PARD3: variants seen among roughly 807,000 people sequenced by gnomAD.
PARD3 encodes par-3 family cell polarity regulator.
PARD3 carries 75 observed loss-of-function variants against 155.4 expected under a neutral mutation model. That is an observed-to-expected ratio of 0.48 (90% CI 0.40 to 0.58). The LOEUF is 0.58. Among genes scored for constraint, PARD3 ranks in the 20% least tolerant of loss-of-function variants. The pLI is 0.00. For missense variants in PARD3, 1,642 were observed against 1,721.7 expected (o/e 0.95, Z 0.82); for synonymous variants, 576 against 610.5 (o/e 0.94, Z 0.83).
intron 14 of PARD3, among the ~76,000 whole-genome samples, chr10:34,350,262 AC>A (rs1191807972): frequency 6.6e-6 from 1 of 152,114 alleles, no homozygotes; most frequent in African/African-American, 2.4e-5. Flanking sequence ...AAGAGAGGCA[AC>A]CCCAGTGGTC....
chr10:34,387,282 T>C lies in PARD3; in HGVS notation c.891-3028A>G, dbSNP rs566531182. ...AGAAAATTTTTACAAAAAATATATA[T>C]ATAAACGGTCTTCAATGGAAATTAC... On this transcript the variant is annotated intron_variant, in intron 7 of 24. Coordinates refer to ENST00000374788, the MANE Select transcript of PARD3 (RefSeq NM_001184785.2). Among the ~76,000 whole-genome samples, 5 of 152,354 alleles carry C rather than the reference T, an allele frequency of 3.3e-5. No individual in the cohort carries two copies. The East Asian group carries it at 7.7e-4, about 23-fold the overall frequency.
intron 2 of PARD3, among the ~76,000 whole-genome samples, chr10:34,581,603 A>C (rs1295303670): frequency 1.3e-5 from 2 of 152,192 alleles, no homozygotes; most frequent in African/African-American, 4.8e-5. Context: ...TGGAAGTGAA[A>C]GGAAACAGTA....
In PARD3 at chr10:34,269,539, T is replaced by C. The variant is rs995091216; in HGVS notation, c.3419+118A>G. On this transcript the variant is annotated intron_variant, in intron 22 of 24. Transcript: ENST00000374788. ...AATACTTTTAGACACAACAGCTTTT[T>C]AAAGGCCATTAATAAAAGGCAATTC... 5.5e-6 allele frequency: 6 copies of C among 1,100,810 alleles called. No homozygotes were observed. The African/African-American group carries it at 6.3e-5, about 11-fold the overall frequency. The allele number at this position is 1,100,810 out of a possible 1,614,324, so 68.2% of individuals were successfully genotyped here. A position where few individuals can be genotyped will look rare whatever the true frequency, so the allele number is the denominator to read the frequency against.
intron 5 of PARD3, among the ~76,000 whole-genome samples, chr10:34,447,817 GA>G (rs909567097): frequency 9.7e-5 from 10 of 102,818 alleles, no homozygotes; most frequent in African/African-American, 3.3e-4. Context: ...AAGAAAGAAA[GA>G]AAAAAAAGTC....
intron 1 of PARD3, among the ~76,000 whole-genome samples, chr10:34,714,355 C>A (rs1218739053): frequency 6.6e-6 from 1 of 152,130 alleles, no homozygotes; most frequent in African/African-American, 2.4e-5. Flanking sequence ...AATAAATGAA[C>A]CCTGATGAAG....
At chr10:34,192,060 A>G (rs1196130768) in intron 22 of PARD3, among the ~76,000 whole-genome samples, 1 of 152,036 alleles carries the variant, frequency 6.6e-6, no homozygotes, top group African/African-American at 2.4e-5. Context: ...AAAACTAGCA[A>G]AAACCACTTT....
intron 3 of PARD3, among the ~76,000 whole-genome samples, chr10:34,510,393 A>C (rs1284011221): frequency 6.6e-6 from 1 of 152,192 alleles, no homozygotes; most frequent in Admixed American, 6.5e-5. Context: ...AATAGCCTTC[A>C]CCTGTTCTCA....
intron 1 of PARD3, among the ~76,000 whole-genome samples, chr10:34,800,317 T>C (rs1449980059): frequency 6.6e-6 from 1 of 152,002 alleles, no homozygotes; most frequent in East Asian, 1.9e-4. Flanking sequence ...TTGATAATAA[T>C]GTTAATACTG....
chr10:34,365,785 G>A (rs1235649315), intron 12 of PARD3, among the ~76,000 whole-genome samples: 5 of 151,978 alleles, frequency 3.3e-5, no homozygotes, highest in Admixed American at 1.3e-4. Flanking sequence ...ACAGGGTTTC[G>A]CCATGTTGGT....
intron 14 of PARD3, among the ~76,000 whole-genome samples, chr10:34,353,689 G>A (rs1564620035): frequency 3.4e-5 from 5 of 148,596 alleles, no homozygotes; most frequent in South Asian, 4.3e-4. Flanking sequence ...CCCCCTCTCC[G>A]AGAAACACCC....
intron 3 of PARD3, among the ~76,000 whole-genome samples, chr10:34,506,549 G>A (rs1234034860): frequency 6.6e-6 from 1 of 152,148 alleles, no homozygotes; most frequent in Admixed American, 6.5e-5. Context: ...AACGCAAGCA[G>A]ATATAAATGA....
At chr10:34,606,587 G>A (rs553786908) in intron 2 of PARD3, among the ~76,000 whole-genome samples, 1 of 145,060 alleles carries the variant, frequency 6.9e-6, no homozygotes, top group Admixed American at 7.1e-5. Flanking sequence ...GATCACTTGA[G>A]GCCAGGAGTT....
At chr10:34,467,087 C>T (rs1465627253) in intron 4 of PARD3, among the ~76,000 whole-genome samples, 1 of 151,780 alleles carries the variant, frequency 6.6e-6, no homozygotes, top group African/African-American at 2.4e-5. Context: ...GAATATTTAA[C>T]AATTTTTAAG....
In PARD3 at chr10:34,423,488, G is replaced by A. The variant is rs74390347; in HGVS notation, c.715-21571C>T. On this transcript the variant is annotated intron_variant, in intron 5 of 24. Transcript: ENST00000374788. ...AGTGTTCTCACCACACAAAATAAACGAAGTACGTGAGGTATTACATGTCTT... is the reference window on the plus strand; with the variant it reads ...AGTGTTCTCACCACACAAAATAAACAAAGTACGTGAGGTATTACATGTCTT... Among the ~76,000 whole-genome samples, 481 of 152,210 alleles carry A rather than the reference G, an allele frequency of 3.2e-3. 2 individuals carry two copies. The highest frequency in any genetic ancestry group is 0.011 in the African/African-American group (451 of 41,552).
At chr10:34,293,423 T>C (rs1956766474) in intron 20 of PARD3, among the ~76,000 whole-genome samples, 1 of 152,078 alleles carries the variant, frequency 6.6e-6, no homozygotes, top group Non-Finnish European at 1.5e-5. Context: ...CAAATAATAA[T>C]CACATTATAT....
At chr10:34,807,638 G>A (rs1843570681) in intron 1 of PARD3, among the ~76,000 whole-genome samples, 1 of 152,088 alleles carries the variant, frequency 6.6e-6, no homozygotes, top group African/African-American at 2.4e-5. Flanking sequence ...GAACACTGAT[G>A]TACAGGTTTT....
chr10:34,243,438 C>T (rs1175565614), intron 22 of PARD3, among the ~76,000 whole-genome samples: 4 of 152,120 alleles, frequency 2.6e-5, no homozygotes, highest in East Asian at 1.9e-4. Context: ...AAATAAACTC[C>T]GAGATGTTGT....
chr10:34,362,768 T>A (rs1405371444), intron 12 of PARD3, among the ~76,000 whole-genome samples: 2 of 152,252 alleles, frequency 1.3e-5, no homozygotes, highest in East Asian at 3.8e-4. Flanking sequence ...GTATTGGGCT[T>A]ACGTGCCCAG....
chr10:34,309,763 C>CCA (rs1411644244), intron 20 of PARD3, among the ~76,000 whole-genome samples: 9 of 125,162 alleles, frequency 7.2e-5, no homozygotes, highest in African/African-American at 2.7e-4. Context: ...CCCCCGCCCC[C>CCA]CCAAGAAGAA....
Sources: gnomAD v4.1 joint callset for allele counts (sites outside exome capture counted in the v4.1 genomes callset) on GRCh38, gnomAD v4.1.1 for gene constraint, MANE v1.5 for transcripts, NCBI Gene and HGNC (gene_info 2026-07-23, HGNC 2026-07-21) for gene names.